Variants in LUZP2 observed in about 807,000 individuals in gnomAD.
LUZP2 encodes leucine zipper protein 2.
Under a neutral mutation model 51.6 loss-of-function variants are expected in LUZP2, and 52 were observed. That is an observed-to-expected ratio of 1.01 (90% CI 0.81 to 1.27). The LOEUF is 1.27. LUZP2 is among the 50% of genes most tolerant of loss of function. LUZP2 has a pLI of 0.00. For synonymous variants in LUZP2, 154 were observed against 137.3 expected (o/e 1.12, Z -0.85); for missense variants, 436 against 395.4 (o/e 1.10, Z -0.87).
intron 7 of LUZP2, among the ~76,000 whole-genome samples, chr11:24,942,061 A>G (rs1854766617): frequency 6.6e-6 from 1 of 152,104 alleles, no homozygotes; most frequent in Non-Finnish European, 1.5e-5. Flanking sequence ...TCCCTTTTTA[A>G]TGCTAATTTC....
chr11:24,612,829 A>G (rs1854164594), intron 1 of LUZP2, among the ~76,000 whole-genome samples: 1 of 152,122 alleles, frequency 6.6e-6, no homozygotes, highest in Non-Finnish European at 1.5e-5. Context: ...TAAAGTGTCC[A>G]TTGGACATAT....
In LUZP2 at chr11:24,906,541, TGTC is replaced by T. The variant is rs370977992; in HGVS notation, c.459+489_459+491del. ...GTCTCATATATTTCTCAGGGGGAAATGTCATTCTGCTTAACATAGATTTAACTA... is the reference window on the plus strand; with the variant it reads ...GTCTCATATATTTCTCAGGGGGAAATATTCTGCTTAACATAGATTTAACTA... On this transcript the variant is annotated intron_variant, in intron 6 of 11. Coordinates refer to ENST00000336930, the MANE Select transcript of LUZP2 (RefSeq NM_001009909.4). Among the ~76,000 whole-genome samples, 955 of 152,278 alleles carry T rather than the reference TGTC, an allele frequency of 6.3e-3. 11 individuals carry two copies. The highest frequency in any genetic ancestry group is 0.022 in the African/African-American group (914 of 41,548).
chr11:24,587,103 A>G (rs1449251556), intron 1 of LUZP2, among the ~76,000 whole-genome samples: 1 of 152,160 alleles, frequency 6.6e-6, no homozygotes, highest in Non-Finnish European at 1.5e-5. Context: ...AATGGGCAAC[A>G]AATATACAGT....
intron 1 of LUZP2, among the ~76,000 whole-genome samples, chr11:24,556,281 C>A (rs1168577120): frequency 6.6e-6 from 1 of 152,076 alleles, no homozygotes. Context: ...CATTCACTTT[C>A]TCAATTTTCC....
intron 1 of LUZP2, among the ~76,000 whole-genome samples, chr11:24,681,033 C>G (rs1856718612): frequency 6.7e-6 from 1 of 149,684 alleles, no homozygotes; most frequent in Non-Finnish European, 1.5e-5. Context: ...GGACTGCGGA[C>G]TGCAGTGGCG....
chr11:24,897,639 T>C (rs935980527), intron 5 of LUZP2, among the ~76,000 whole-genome samples: 1 of 152,194 alleles, frequency 6.6e-6, no homozygotes, highest in Non-Finnish European at 1.5e-5. Flanking sequence ...AGGAACAAAC[T>C]CTGGACACAC....
intron 7 of LUZP2, among the ~76,000 whole-genome samples, chr11:24,949,146 T>A (rs1021156007): frequency 6.6e-6 from 1 of 151,568 alleles, no homozygotes; most frequent in Admixed American, 6.6e-5. Flanking sequence ...AAAACATATG[T>A]TTTAGCTCAG....
intron 1 of LUZP2, among the ~76,000 whole-genome samples, chr11:24,711,645 A>G (rs546525583): frequency 5.9e-4 from 90 of 152,112 alleles, no homozygotes; most frequent in African/African-American, 2.0e-3. Context: ...TTCAGTTACT[A>G]TTTAAAATTT....
chr11:24,539,979 C>CAT (rs140876994), intron 1 of LUZP2, among the ~76,000 whole-genome samples: 3,057 of 150,984 alleles, frequency 0.02, 108 homozygotes, highest in African/African-American at 0.066. Context: ...ACAAAGACAA[C>CAT]ATATATATAT....
Position 24,691,609 on chromosome 11 carries a change from A to T in LUZP2, c.63-37560A>T, listed in dbSNP as rs114978547. 4.8e-3 allele frequency among the ~76,000 whole-genome samples: 732 copies of T among 152,082 alleles called. 12 individuals carry two copies. Among genetic ancestry groups the T allele is most frequent in the African/African-American group, 0.017 (713 of 41,524 alleles). ...TAAAACCTAGAATTTGGAATATTTC[A>T]GAATTTTATGGAATAAGATATTTTT... On this transcript the variant is annotated intron_variant, in intron 1 of 11. Coordinates refer to ENST00000336930, the MANE Select transcript of LUZP2 (RefSeq NM_001009909.4).
At position 24,841,652 on chromosome 11, in the gene LUZP2, C is replaced by G. The variant is rs117400101; in HGVS notation, c.397-64339C>G. ...AAGAAAGAAAATCAATTCCAAAGGG[C>G]AAACAAATAATTGAAATAAAATTAT... On this transcript the variant is annotated intron_variant, in intron 5 of 11. Transcript: ENST00000336930. 3.6e-3 allele frequency among the ~76,000 whole-genome samples: 548 copies of G among 150,664 alleles called. 4 individuals are homozygous for G. The highest frequency in any genetic ancestry group is 5.8e-3 in the Non-Finnish European group (393 of 67,574).
intron 9 of LUZP2, among the ~76,000 whole-genome samples, chr11:24,993,256 T>A (rs1856404226): frequency 6.6e-6 from 1 of 152,106 alleles, no homozygotes; most frequent in Non-Finnish European, 1.5e-5. Context: ...AGAAAATCAA[T>A]CCCAGTAAAT....
At position 24,799,557 on chromosome 11, in the gene LUZP2, C is replaced by A. The variant is rs189309707; in HGVS notation, c.396+36249C>A. Among the ~76,000 whole-genome samples the A allele has an allele frequency of 4.2e-4, 63 of 150,820 alleles. 1 individual carries two copies. The South Asian group carries it at 5.1e-3, about 12-fold the overall frequency. ...AGTGAGCCAAGACCACACCATTGCA[C>A]TCCAGCCTGGGTGACAGAGCAAGAC... On this transcript the variant is annotated intron_variant, in intron 5 of 11. Coordinates refer to ENST00000336930, the MANE Select transcript of LUZP2 (RefSeq NM_001009909.4).
chr11:24,730,133 G>GT (rs1858660775), intron 2 of LUZP2, among the ~76,000 whole-genome samples: 1 of 151,612 alleles, frequency 6.6e-6, no homozygotes, highest in Non-Finnish European at 1.5e-5. Context: ...GATGATGATG[G>GT]TGGTAGTGGT....
intron 5 of LUZP2, among the ~76,000 whole-genome samples, chr11:24,887,773 G>A (rs183773391): frequency 8.1e-4 from 124 of 152,248 alleles, no homozygotes; most frequent in African/African-American, 2.9e-3. Context: ...ATTTAAAAGG[G>A]CAAATGTATT....
intron 7 of LUZP2, among the ~76,000 whole-genome samples, chr11:24,971,331 C>T (rs1277966547): frequency 6.6e-6 from 1 of 152,086 alleles, no homozygotes; most frequent in East Asian, 1.9e-4. Context: ...AGGGTTCATG[C>T]CCCTATGAAA....
intron 9 of LUZP2, among the ~76,000 whole-genome samples, chr11:25,023,669 C>T (rs903838977): frequency 1.7e-4 from 26 of 152,184 alleles, no homozygotes; most frequent in African/African-American, 3.9e-4. Context: ...TTCTTGCCTT[C>T]TGCTAGCTTT....
intron 9 of LUZP2, among the ~76,000 whole-genome samples, chr11:24,989,094 G>A (rs1254403845): frequency 1.1e-5 from 1 of 91,412 alleles, no homozygotes; most frequent in Non-Finnish European, 2.2e-5. Context: ...TTAGATTCCT[G>A]TGCAGTTAAA....
chr11:24,860,905 C>T (rs1381175113), intron 5 of LUZP2, among the ~76,000 whole-genome samples: 3 of 152,240 alleles, frequency 2.0e-5, no homozygotes, highest in Non-Finnish European at 2.9e-5. Flanking sequence ...TTTTCTCCTC[C>T]AAATGATCGC....
Sources: allele counts gnomAD v4.1 joint callset (sites outside exome capture counted in the v4.1 genomes callset), GRCh38; gene constraint gnomAD v4.1.1; transcripts MANE v1.5; gene names NCBI Gene and HGNC (gene_info 2026-07-23, HGNC 2026-07-21).